Variants in KCTD16 observed in about 807,000 individuals in gnomAD.
KCTD16 encodes the protein potassium channel tetramerization domain containing 16.
A neutral mutation model predicts 33.2 loss-of-function variants in KCTD16; 13 were observed. The observed-to-expected ratio is 0.39, with a 90% CI of 0.25 to 0.62. KCTD16 has a LOEUF of 0.62. Ranked by LOEUF, KCTD16 falls within the 20% of genes least tolerant of loss-of-function variation. KCTD16 has a pLI of 0.50. For missense variants in KCTD16, 441 were observed against 525.1 expected (o/e 0.84, Z 1.57); for synonymous variants, 197 against 195.3 (o/e 1.01, Z -0.07).
At chr5:144,394,831 G>T (rs1341941860) in intron 3 of KCTD16, among the ~76,000 whole-genome samples, 1 of 152,220 alleles carries the variant, frequency 6.6e-6, no homozygotes, top group East Asian at 1.9e-4. Context: ...ATGCGGAACT[G>T]TGAATCAGTT....
At chr5:144,425,329 C>T (rs1372038383) in intron 3 of KCTD16, among the ~76,000 whole-genome samples, 4 of 152,004 alleles carry the variant, frequency 2.6e-5, no homozygotes, top group Non-Finnish European at 4.4e-5. Flanking sequence ...CCCAAGGCCA[C>T]AGGCCTATAG....
chr5:144,414,150 C>T (rs1484318156), intron 3 of KCTD16, among the ~76,000 whole-genome samples: 1 of 152,178 alleles, frequency 6.6e-6, no homozygotes, highest in Non-Finnish European at 1.5e-5. Flanking sequence ...CTTAGTTCTG[C>T]TTCCCAATTT....
chr5:144,303,576 A>G (rs1281582490), intron 3 of KCTD16, among the ~76,000 whole-genome samples: 1 of 152,154 alleles, frequency 6.6e-6, no homozygotes, highest in Non-Finnish European at 1.5e-5. Flanking sequence ...TCTCAGAGTG[A>G]CCTGCACCTG....
chr5:144,377,074 CA>C (rs1467789068), intron 3 of KCTD16, among the ~76,000 whole-genome samples: 4 of 152,138 alleles, frequency 2.6e-5, no homozygotes, highest in African/African-American at 9.7e-5. Context: ...TCTATTTTAT[CA>C]AACTCATTTC....
chr5:144,424,623 T>C (rs975456971), intron 3 of KCTD16, among the ~76,000 whole-genome samples: 1 of 152,178 alleles, frequency 6.6e-6, no homozygotes, highest in African/African-American at 2.4e-5. Flanking sequence ...ATTTGGCTCA[T>C]CGTTCTAGAG....
At chr5:144,418,393 T>C (rs569240652) in intron 3 of KCTD16, among the ~76,000 whole-genome samples, 1 of 152,270 alleles carries the variant, frequency 6.6e-6, no homozygotes, top group African/African-American at 2.4e-5. Flanking sequence ...AGAGTGCTGA[T>C]TGGTCTGTTT....
At chr5:144,299,643 A>G (rs1751368259) in intron 3 of KCTD16, among the ~76,000 whole-genome samples, 1 of 152,140 alleles carries the variant, frequency 6.6e-6, no homozygotes, top group Admixed American at 6.5e-5. Flanking sequence ...AGCCTTGGAC[A>G]GTGGCCTTAT....
chr5:144,405,801 T>C (rs1194394605), intron 3 of KCTD16, among the ~76,000 whole-genome samples: 2 of 152,122 alleles, frequency 1.3e-5, no homozygotes, highest in African/African-American at 4.8e-5. Flanking sequence ...TTAGTGGGAA[T>C]CTCCAGTAGA....
At chr5:144,296,414 C>G (rs1756037618) in intron 3 of KCTD16, among the ~76,000 whole-genome samples, 1 of 152,200 alleles carries the variant, frequency 6.6e-6, no homozygotes, top group South Asian at 2.1e-4. Flanking sequence ...CTCATTCAAA[C>G]AGAGCATTTG....
chr5:144,477,783 T>C lies in KCTD16; in HGVS notation c.*3669T>C, dbSNP rs1456292478. The C allele has an allele frequency of 6.6e-6, 1 of 152,024 alleles. No homozygotes were observed. The highest frequency in any genetic ancestry group is 2.4e-5 in the African/African-American group (1 of 41,388). 9.4% of individuals were successfully genotyped at this position (152,024 alleles called of 1,614,324 possible). On this transcript the variant is annotated 3_prime_UTR_variant, in exon 4 of 4. Transcript: ENST00000512467. ...TTCCAACCTTCAACTTTGTATCTAC[T>C]ATAGTGTAGATCTGTGAATTTGAGT...
chr5:144,406,594 G>A (rs1311767227), intron 3 of KCTD16, among the ~76,000 whole-genome samples: 1 of 152,112 alleles, frequency 6.6e-6, no homozygotes, highest in African/African-American at 2.4e-5. Context: ...ACCGGTTATG[G>A]TTTATCTCAT....
chr5:144,400,923 C>G (rs574056250), intron 3 of KCTD16, among the ~76,000 whole-genome samples: 1 of 152,120 alleles, frequency 6.6e-6, no homozygotes, highest in South Asian at 2.1e-4. Context: ...ACAATAAGTG[C>G]AAAGGCCAGG....
At chr5:144,175,190 C>G (rs940931748) in intron 2 of KCTD16, among the ~76,000 whole-genome samples, 5 of 152,214 alleles carry the variant, frequency 3.3e-5, no homozygotes, top group Non-Finnish European at 7.3e-5. Flanking sequence ...ACTCCTCCTC[C>G]TGACAACCCA....
chr5:144,254,092 G>C, intron 3 of KCTD16, among the ~76,000 whole-genome samples: 1 of 151,914 alleles, frequency 6.6e-6, no homozygotes, highest in East Asian at 1.9e-4. Context: ...TAGGTCTTTG[G>C]AGAAAACCAA....
At chr5:144,448,410 C>T (rs1057294943) in intron 3 of KCTD16, among the ~76,000 whole-genome samples, 1 of 152,072 alleles carries the variant, frequency 6.6e-6, no homozygotes, top group African/African-American at 2.4e-5. Flanking sequence ...CTGGTTACCT[C>T]TGTGTGTTCT....
chr5:144,254,409 G>C (rs540475370), intron 3 of KCTD16, among the ~76,000 whole-genome samples: 48 of 151,968 alleles, frequency 3.2e-4, no homozygotes, highest in Middle Eastern at 3.4e-3. Context: ...GCATTATCTG[G>C]GAAACAGTTT....
Position 144,299,139 on chromosome 5 carries a change from TATATATATA to T in KCTD16, c.832+91594_832+91602del, listed in dbSNP as rs541543921. ...ATATATATATATATATATATATATA[TATATATATA>T]TTTTTTTTTTTTTTTTTAACCTGTC... is the stretch of plus-strand genomic sequence containing the variant. On this transcript the variant is annotated intron_variant, in intron 3 of 3. Transcript: ENST00000512467. 5.9e-3 allele frequency among the ~76,000 whole-genome samples: 187 copies of T among 31,954 alleles called. 2 individuals carry two copies. The highest frequency in any genetic ancestry group is 0.015 in the African/African-American group (46 of 3,056). 21.0% of individuals were successfully genotyped at this position (31,954 alleles called of 152,430 possible). A position where few individuals can be genotyped will look rare whatever the true frequency, so the allele number is the denominator to read the frequency against.
chr5:144,184,364 G>C (rs1020532882), intron 2 of KCTD16, among the ~76,000 whole-genome samples: 1 of 152,138 alleles, frequency 6.6e-6, no homozygotes, highest in East Asian at 1.9e-4. Context: ...TGTCCTCAAG[G>C]TTCGTCCATG....
intron 3 of KCTD16, among the ~76,000 whole-genome samples, chr5:144,357,712 A>T (rs1168339159): frequency 6.6e-6 from 1 of 152,190 alleles, no homozygotes; most frequent in Non-Finnish European, 1.5e-5. Context: ...GGAGTTTGCT[A>T]GGTGGAGAAA....
Sources: allele counts gnomAD v4.1 joint callset (sites outside exome capture counted in the v4.1 genomes callset), GRCh38; gene constraint gnomAD v4.1.1; transcripts MANE v1.5; gene names NCBI Gene and HGNC (gene_info 2026-07-23, HGNC 2026-07-21).